The following PARD3 variants were observed in gnomAD, a reference collection of about 807,000 sequenced individuals.
PARD3 encodes the protein partitioning defective 3 homolog.
In PARD3, 75 loss-of-function variants were observed where a neutral mutation model predicts 155.4. The ratio of observed to expected loss-of-function variants is 0.48; its 90% CI spans 0.40 to 0.58. The LOEUF is 0.58. Among genes scored for constraint, PARD3 ranks in the 20% least tolerant of loss-of-function variants. The probability of loss-of-function intolerance (pLI) is 0.00; values close to 1 mark genes in which losing one functional copy is unlikely to be tolerated. For missense variants in PARD3, 1,642 were observed against 1,721.7 expected, an observed-to-expected ratio of 0.95 and a Z score of 0.82; for synonymous variants, 576 against 610.5, an observed-to-expected ratio of 0.94 and a Z score of 0.83.
intron 21 of PARD3, among the ~76,000 whole-genome samples, chr10:34,283,007 T>C (rs1956227491): frequency 6.6e-6 from 1 of 152,052 alleles, no homozygotes; most frequent in African/African-American, 2.4e-5. Context: ...CCACATACAT[T>C]TTCTACCCTG....
chr10:34,814,787 C>T, intron 1 of PARD3, 89 bp downstream of exon 1: 1 of 1,163,050 alleles, frequency 8.6e-7, no homozygotes, highest in Non-Finnish European at 1.2e-6. Flanking sequence ...CCTCCCTGCG[C>T]CTCTCCTCCC....
chr10:34,213,491 G>A (rs1405149676), intron 22 of PARD3, among the ~76,000 whole-genome samples: 1 of 152,190 alleles, frequency 6.6e-6, no homozygotes, highest in East Asian at 1.9e-4. Context: ...CCACAGCGCA[G>A]ATGAAGCCAA....
intron 2 of PARD3, among the ~76,000 whole-genome samples, chr10:34,560,759 T>G (rs766779879): frequency 2.0e-5 from 3 of 152,132 alleles, no homozygotes; most frequent in African/African-American, 7.2e-5. Context: ...CTGCGTTCAT[T>G]TTAAGTCTTT....
At chr10:34,143,174 G>A (rs12571305) in intron 22 of PARD3, among the ~76,000 whole-genome samples, 2 of 152,108 alleles carry the variant, frequency 1.3e-5, no homozygotes, top group Non-Finnish European at 2.9e-5. Context: ...ATACAAATTA[G>A]CTGGGTGTGG....
At chr10:34,617,992 C>T (rs2091379505) in intron 2 of PARD3, among the ~76,000 whole-genome samples, 1 of 152,084 alleles carries the variant, frequency 6.6e-6, no homozygotes, top group Non-Finnish European at 1.5e-5. Flanking sequence ...CTTCTCTATA[C>T]ACTGTGGCAC....
At chr10:34,113,615 G>A (rs368281246) in intron 24 of PARD3, among the ~76,000 whole-genome samples, 123 of 152,016 alleles carry the variant, frequency 8.1e-4, no homozygotes, top group African/African-American at 2.9e-3. Context: ...AATGAGAAAT[G>A]GGCCAATTGT....
At chr10:34,318,852 G>A (rs1403621909) in intron 19 of PARD3, among the ~76,000 whole-genome samples, 6 of 151,206 alleles carry the variant, frequency 4.0e-5, no homozygotes, top group Non-Finnish European at 7.4e-5. Context: ...TGCAACCTCC[G>A]CCTCCTGGGT....
intron 22 of PARD3, among the ~76,000 whole-genome samples, chr10:34,238,474 T>C (rs1265615509): frequency 6.6e-6 from 1 of 152,152 alleles, no homozygotes; most frequent in Non-Finnish European, 1.5e-5. Context: ...ACAATACAAA[T>C]GTCAGTAGGG....
chr10:34,127,734 G>C (rs1426250580), intron 23 of PARD3, among the ~76,000 whole-genome samples: 1 of 152,192 alleles, frequency 6.6e-6, no homozygotes, highest in Non-Finnish European at 1.5e-5. Flanking sequence ...TTGGAACTGT[G>C]TGCATGTGTG....
At chr10:34,176,065 TA>T (rs1218604411) in intron 22 of PARD3, among the ~76,000 whole-genome samples, 1 of 152,208 alleles carries the variant, frequency 6.6e-6, no homozygotes, top group Non-Finnish European at 1.5e-5. Context: ...CTTTATTTCA[TA>T]TTTTTGAACT....
At chr10:34,553,401 G>C (rs1340972860) in intron 2 of PARD3, among the ~76,000 whole-genome samples, 1 of 152,190 alleles carries the variant, frequency 6.6e-6, no homozygotes, top group Non-Finnish European at 1.5e-5. Flanking sequence ...TAAGGCCTTT[G>C]AAAGTCTTTT....
At position 34,642,686 on chromosome 10, in the gene PARD3, C is replaced by T. The variant is rs573025607; in HGVS notation, c.222+53632G>A. Among the ~76,000 whole-genome samples, 24 of 152,238 alleles carry T rather than the reference C, an allele frequency of 1.6e-4. No individual in the cohort carries two copies. In the South Asian group the frequency reaches 3.7e-3, roughly 24 times the overall value. On this transcript the variant is annotated intron_variant, in intron 2 of 24. Transcript: ENST00000374788. ...TAAACCCTGAGGACAGCTACCTAGA[C>T]GGCCCCCTCCCCATGACCCCCACGA...
intron 22 of PARD3, among the ~76,000 whole-genome samples, chr10:34,179,387 G>A (rs775181627): frequency 5.9e-5 from 9 of 152,212 alleles, no homozygotes; most frequent in Non-Finnish European, 8.8e-5. Context: ...AAAGCAAGGA[G>A]CAGAGAATGG....
At chr10:34,539,325 T>A (rs1233640682) in intron 2 of PARD3, among the ~76,000 whole-genome samples, 1 of 152,130 alleles carries the variant, frequency 6.6e-6, no homozygotes, top group Non-Finnish European at 1.5e-5. Flanking sequence ...CATTTAAAAA[T>A]TAAGATATAT....
chr10:34,182,124 G>C (rs1045855304), intron 22 of PARD3, among the ~76,000 whole-genome samples: 1 of 152,186 alleles, frequency 6.6e-6, no homozygotes, highest in African/African-American at 2.4e-5. Flanking sequence ...CAGCCTGAAA[G>C]AAAGTGCTTG....
chr10:34,525,917 C>T (rs915432140), intron 2 of PARD3, among the ~76,000 whole-genome samples: 2 of 151,308 alleles, frequency 1.3e-5, no homozygotes, highest in Non-Finnish European at 2.9e-5. Flanking sequence ...CTCGTCTCTA[C>T]TAAAAATACA....
chr10:34,323,517 A>G (rs1170596000), intron 19 of PARD3, among the ~76,000 whole-genome samples: 1 of 152,188 alleles, frequency 6.6e-6, no homozygotes, highest in East Asian at 1.9e-4. Context: ...AACTGGGAGA[A>G]AGTTCAAATA....
chr10:34,172,074 G>A (rs1450737765), intron 22 of PARD3, among the ~76,000 whole-genome samples: 1 of 150,458 alleles, frequency 6.6e-6, no homozygotes, highest in Non-Finnish European at 1.5e-5. Flanking sequence ...CTACCCTTGT[G>A]AAAGATTTAC....
At chr10:34,279,990 T>C (rs1397195915) in intron 21 of PARD3, among the ~76,000 whole-genome samples, 2 of 152,184 alleles carry the variant, frequency 1.3e-5, no homozygotes, top group African/African-American at 2.4e-5. Flanking sequence ...CAACTTACTA[T>C]GCAGATATAG....
Sources: gnomAD v4.1 joint callset for allele counts (sites outside exome capture counted in the v4.1 genomes callset) on GRCh38, gnomAD v4.1.1 for gene constraint, MANE v1.5 for transcripts, NCBI Gene and HGNC (gene_info 2026-07-23, HGNC 2026-07-21) for gene names.